SAMMSON: variants seen among roughly 807,000 people sequenced by gnomAD.
SAMMSON encodes long intergenic non-protein coding RNA 1212.
intron 3 of SAMMSON, among the ~76,000 whole-genome samples, chr3:70,050,259 C>G (rs557220787): frequency 1.3e-5 from 2 of 152,242 alleles, no homozygotes; most frequent in African/African-American, 4.8e-5. Context: ...GGCACATTTG[C>G]TCAGGTACAA....
intron 6 of SAMMSON, among the ~76,000 whole-genome samples, chr3:70,282,988 A>G (rs1219252346): frequency 6.6e-6 from 1 of 152,186 alleles, no homozygotes; most frequent in Non-Finnish European, 1.5e-5. Context: ...GAATAAGAAA[A>G]AAATGGAGCA....
chr3:70,204,747 G>A (rs1471536527), intron 4 of SAMMSON: 1 of 151,768 alleles, frequency 6.6e-6, no homozygotes, highest in African/African-American at 2.4e-5. Context: ...ACAAGAGTTA[G>A]GTGTCATGCT....
At chr3:70,067,240 T>G (rs2067213025) in intron 3 of SAMMSON, among the ~76,000 whole-genome samples, 1 of 152,082 alleles carries the variant, frequency 6.6e-6, no homozygotes, top group African/African-American at 2.4e-5. Context: ...AGATAGAATT[T>G]TATCAAATTT....
chr3:70,052,008 G>A (rs901160180), intron 3 of SAMMSON, among the ~76,000 whole-genome samples: 2 of 152,014 alleles, frequency 1.3e-5, no homozygotes, highest in South Asian at 4.2e-4. Flanking sequence ...TGAGGTGAGA[G>A]GATCATTTGA....
intron 4 of SAMMSON, among the ~76,000 whole-genome samples, chr3:70,106,387 C>T (rs1042127374): frequency 3.3e-5 from 5 of 151,078 alleles, no homozygotes; most frequent in Admixed American, 1.3e-4. Flanking sequence ...GTTTCCCAGG[C>T]TGGAGTGCAG....
At chr3:70,205,731 T>C (rs1701283793) in intron 4 of SAMMSON, 1 of 152,104 alleles carries the variant, frequency 6.6e-6, no homozygotes, top group Admixed American at 6.6e-5. Flanking sequence ...GTTTATTTAA[T>C]CTTTTTTCTT....
At chr3:70,152,028 T>C (rs926712841) in intron 4 of SAMMSON, among the ~76,000 whole-genome samples, 1 of 152,042 alleles carries the variant, frequency 6.6e-6, no homozygotes, top group Non-Finnish European at 1.5e-5. Context: ...GCTGTGTTTA[T>C]AAAATTCTAA....
At chr3:70,330,889 ATAAAT>A (rs1702617197) in intron 7 of SAMMSON, among the ~76,000 whole-genome samples, 1 of 152,216 alleles carries the variant, frequency 6.6e-6, no homozygotes. Context: ...GTGAATGAAA[ATAAAT>A]TATAGACAAC....
chr3:70,111,061 T>C (rs11921396), intron 4 of SAMMSON, among the ~76,000 whole-genome samples: 2,285 of 152,310 alleles, frequency 0.015, 55 homozygotes, highest in African/African-American at 0.052. Flanking sequence ...AATAAAGGCA[T>C]GTCTCTTGGT....
intron 4 of SAMMSON, among the ~76,000 whole-genome samples, chr3:70,246,926 C>G (rs972245220): frequency 2.0e-5 from 3 of 151,860 alleles, no homozygotes; most frequent in Admixed American, 6.6e-5. Context: ...ACTCTTTTTT[C>G]AATAATTCGT....
At chr3:70,295,883 T>A (rs1048805523) in intron 7 of SAMMSON, among the ~76,000 whole-genome samples, 1 of 152,180 alleles carries the variant, frequency 6.6e-6, no homozygotes, top group African/African-American at 2.4e-5. Flanking sequence ...TCCCACTTGA[T>A]CTTTGCCTTG....
At chr3:70,432,441 A>G (rs1311002550) in intron 2 of SAMMSON, among the ~76,000 whole-genome samples, 1 of 151,748 alleles carries the variant, frequency 6.6e-6, no homozygotes, top group African/African-American at 2.4e-5. Flanking sequence ...TGTGTTTTCA[A>G]TCTGTTGCCT....
chr3:70,389,412 C>T (rs1701023755), intron 9 of SAMMSON, among the ~76,000 whole-genome samples: 2 of 152,040 alleles, frequency 1.3e-5, no homozygotes, highest in East Asian at 3.9e-4. Flanking sequence ...ACATGTTGTG[C>T]TAAATTATGA....
chr3:70,068,158 T>C (rs1409407502), intron 3 of SAMMSON: 2 of 152,046 alleles, frequency 1.3e-5, no homozygotes, highest in Non-Finnish European at 1.5e-5. Flanking sequence ...TGATTCCCAA[T>C]AGTCTTAAAA....
intron 3 of SAMMSON, among the ~76,000 whole-genome samples, chr3:70,043,396 G>C (rs2067112886): frequency 6.6e-6 from 1 of 151,590 alleles, no homozygotes; most frequent in Admixed American, 6.6e-5. Flanking sequence ...ATTTCCAGCA[G>C]AAAAAAAATG....
At chr3:70,051,751 G>A (rs1221911573) in intron 3 of SAMMSON, among the ~76,000 whole-genome samples, 4 of 151,408 alleles carry the variant, frequency 2.6e-5, no homozygotes, top group Non-Finnish European at 5.9e-5. Flanking sequence ...TTATGTTGGT[G>A]GAGTTCTGAC....
chr3:70,087,762 A>T (rs1006263273), intron 4 of SAMMSON, among the ~76,000 whole-genome samples: 6 of 152,216 alleles, frequency 3.9e-5, no homozygotes, highest in African/African-American at 1.4e-4. Context: ...TGGGCACTTC[A>T]GTTCTCCAGA....
At chr3:70,065,770 C>A (rs2067207298) in intron 3 of SAMMSON, among the ~76,000 whole-genome samples, 1 of 152,048 alleles carries the variant, frequency 6.6e-6, no homozygotes, top group African/African-American at 2.4e-5. Context: ...AACACACACA[C>A]AATAAAAAAT....
At chr3:70,057,808 A>C (rs762701612) in intron 3 of SAMMSON, among the ~76,000 whole-genome samples, 2 of 151,974 alleles carry the variant, frequency 1.3e-5, no homozygotes, top group Non-Finnish European at 2.9e-5. Context: ...CCAAGATTTC[A>C]ATTAATCAAG....
Sources: allele counts gnomAD v4.1 joint callset (sites outside exome capture counted in the v4.1 genomes callset), GRCh38; gene constraint gnomAD v4.1.1; transcripts MANE v1.5; gene names NCBI Gene and HGNC (gene_info 2026-07-23, HGNC 2026-07-21).